The following ARHGEF26 variants were observed in gnomAD, a reference collection of about 807,000 sequenced individuals.
ARHGEF26 encodes Rho guanine nucleotide exchange factor 26.
ARHGEF26 carries 59 observed loss-of-function variants against 89.4 expected under a neutral mutation model. That is an observed-to-expected ratio of 0.66 (90% CI 0.54 to 0.82). The LOEUF (loss-of-function observed/expected upper bound fraction) is 0.82, where lower values mean the gene tolerates loss of function less well. ARHGEF26 is among the 40% of genes least tolerant of loss of function. The pLI is 0.00. For synonymous variants in ARHGEF26, 500 were observed against 428.4 expected (o/e 1.17, Z -2.06); for missense variants, 1,234 against 1,085.6 (o/e 1.14, Z -1.92).
chr3:154,122,327 A>C lies in ARHGEF26; in HGVS notation c.335A>C (p.Lys112Thr). 1 of 1,612,790 alleles carries C rather than the reference A, an allele frequency of 6.2e-7. No individual in the cohort carries two copies. The highest frequency in any genetic ancestry group is 8.5e-7 in the Non-Finnish European group (1 of 1,179,832). ...RAASPRLRRP[K>T]SPKLPKAVPG... ...GCCTCTCCTCGACTTCGACGGCCCA[A>C]GTCACCCAAGCTCCCCAAAGCGGTG... The change falls in exon 2 of 15, where the codon AAG (lysine) becomes ACG (threonine). Residue 112 changes from lysine (K) to threonine (T), a missense_variant. Lys to Thr is a moderately conservative substitution (Grantham distance 78). Coordinates refer to ENST00000465093, the MANE Select transcript of ARHGEF26 (RefSeq NM_015595.4).
chr3:154,238,788 C>T (rs2108279873), intron 11 of ARHGEF26, among the ~76,000 whole-genome samples: 1 of 152,238 alleles, frequency 6.6e-6, no homozygotes, highest in East Asian at 1.9e-4. Context: ...CTGTATGTCA[C>T]CAGGTTCGGG....
At chr3:154,161,942 TATGTTC>T (rs1711690115) in intron 6 of ARHGEF26, among the ~76,000 whole-genome samples, 1 of 152,186 alleles carries the variant, frequency 6.6e-6, no homozygotes, top group Non-Finnish European at 1.5e-5. Flanking sequence ...TTGGACCCAT[TATGTTC>T]TTTTTGCATT....
chr3:154,190,735 C>T (rs1576757881), intron 7 of ARHGEF26, among the ~76,000 whole-genome samples: 1 of 152,134 alleles, frequency 6.6e-6, no homozygotes, highest in East Asian at 1.9e-4. Context: ...ACTTTTCTTG[C>T]ATTAACAGGA....
At chr3:154,229,077 C>T (rs1188975652) in intron 11 of ARHGEF26, among the ~76,000 whole-genome samples, 2 of 152,204 alleles carry the variant, frequency 1.3e-5, no homozygotes, top group East Asian at 1.9e-4. Context: ...TGTGGACCCC[C>T]TCCACTTCAC....
intron 10 of ARHGEF26, among the ~76,000 whole-genome samples, chr3:154,221,374 TG>T (rs1168011092): frequency 1.3e-5 from 2 of 152,210 alleles, no homozygotes; most frequent in Non-Finnish European, 2.9e-5. Flanking sequence ...TTTTATATGT[TG>T]CTGGTGGGAA....
At chr3:154,125,276 T>C (rs1318058420) in intron 3 of ARHGEF26, among the ~76,000 whole-genome samples, 4 of 152,190 alleles carry the variant, frequency 2.6e-5, no homozygotes, top group Admixed American at 6.5e-5. Flanking sequence ...TAGGTGATTG[T>C]CAAGTAATTC....
At chr3:154,139,612 C>T (rs1719235169) in intron 4 of ARHGEF26, among the ~76,000 whole-genome samples, 1 of 152,154 alleles carries the variant, frequency 6.6e-6, no homozygotes. Flanking sequence ...GTGGGGTCTC[C>T]TTCCTCAGTC....
intron 4 of ARHGEF26, among the ~76,000 whole-genome samples, chr3:154,142,533 G>A (rs1265017749): frequency 6.6e-6 from 1 of 152,166 alleles, no homozygotes; most frequent in African/African-American, 2.4e-5. Context: ...TTCAGAAACA[G>A]ATTTTGCTCA....
chr3:154,138,134 C>T (rs1719131640), intron 4 of ARHGEF26, among the ~76,000 whole-genome samples: 1 of 152,148 alleles, frequency 6.6e-6, no homozygotes, highest in Middle Eastern at 3.2e-3. Context: ...GATGGATATG[C>T]ATTTAGCCAT....
At chr3:154,193,380 C>T (rs1387983707) in intron 8 of ARHGEF26, among the ~76,000 whole-genome samples, 1 of 152,188 alleles carries the variant, frequency 6.6e-6, no homozygotes, top group Admixed American at 6.5e-5. Flanking sequence ...AGAACCTCCA[C>T]AGATGGTGCA....
intron 11 of ARHGEF26, among the ~76,000 whole-genome samples, chr3:154,226,692 C>CCT (rs1421210073): frequency 1.7e-4 from 26 of 151,624 alleles, no homozygotes; most frequent in Admixed American, 1.7e-3. Context: ...CACACACACA[C>CCT]ACACCCCTTC....
chr3:154,248,564 C>T (rs1717932907), intron 12 of ARHGEF26, among the ~76,000 whole-genome samples: 1 of 151,974 alleles, frequency 6.6e-6, no homozygotes, highest in Non-Finnish European at 1.5e-5. Flanking sequence ...TATCTAGTGC[C>T]TGTCAAAGGA....
intron 6 of ARHGEF26, among the ~76,000 whole-genome samples, chr3:154,158,157 GC>G (rs1221810313): frequency 1.3e-5 from 2 of 152,120 alleles, no homozygotes; most frequent in African/African-American, 2.4e-5. Context: ...TGCCACTGAA[GC>G]CCTTTTTGAG....
At chr3:154,179,178 C>A (rs918500949) in intron 6 of ARHGEF26, among the ~76,000 whole-genome samples, 3 of 151,986 alleles carry the variant, frequency 2.0e-5, no homozygotes, top group African/African-American at 7.2e-5. Context: ...TTTCTTGCTT[C>A]CTCAAAAAAA....
At chr3:154,185,719 CTCT>C (rs970924960) in intron 6 of ARHGEF26, among the ~76,000 whole-genome samples, 2 of 152,164 alleles carry the variant, frequency 1.3e-5, no homozygotes, top group African/African-American at 2.4e-5. Context: ...TCAAACTCTT[CTCT>C]TCTTATGACT....
intron 9 of ARHGEF26, among the ~76,000 whole-genome samples, chr3:154,200,436 A>C (rs1242682929): frequency 6.6e-6 from 1 of 152,136 alleles, no homozygotes; most frequent in Non-Finnish European, 1.5e-5. Context: ...TTTTTATGCC[A>C]GTACCATGCT....
intron 9 of ARHGEF26, among the ~76,000 whole-genome samples, chr3:154,217,111 C>T (rs1200164623): frequency 6.6e-6 from 1 of 151,886 alleles, no homozygotes; most frequent in Non-Finnish European, 1.5e-5. Context: ...AGTCACCACA[C>T]TGACTTCCAC....
intron 12 of ARHGEF26, among the ~76,000 whole-genome samples, chr3:154,250,387 G>T (rs34021634): frequency 4.0e-5 from 6 of 151,762 alleles, no homozygotes; most frequent in South Asian, 2.1e-4. Flanking sequence ...ATCTAAGAGG[G>T]GGGGGTGGGA....
chr3:154,151,328 T>C lies in ARHGEF26; in HGVS notation c.1327-1444T>C, dbSNP rs1576707434. The stretch of plus-strand genomic sequence containing the variant: ...ATTTAAAATGTTGAATTCAGCAATA[T>C]TAATTTTTGTTCTCAAAACCCTCAA... On this transcript the variant is annotated intron_variant, in intron 5 of 14. Transcript: ENST00000465093. Among the ~76,000 whole-genome samples, 4 of 152,344 alleles carry C rather than the reference T, an allele frequency of 2.6e-5. No homozygotes were observed. The East Asian group carries it at 7.7e-4, about 29-fold the overall frequency.
Sources: gnomAD v4.1 joint callset for allele counts (sites outside exome capture counted in the v4.1 genomes callset) on GRCh38, gnomAD v4.1.1 for gene constraint, MANE v1.5 for transcripts, NCBI Gene and HGNC (gene_info 2026-07-23, HGNC 2026-07-21) for gene names.